Variants in ABCA9 observed in about 807,000 individuals in gnomAD.
The protein encoded by ABCA9 is ATP-binding cassette sub-family A member 9.
A neutral mutation model predicts 205.3 loss-of-function variants in ABCA9; 183 were observed. That is an observed-to-expected ratio of 0.89 (90% CI 0.79 to 1.01). The LOEUF (loss-of-function observed/expected upper bound fraction) is 1.01. Ranked by LOEUF, ABCA9 falls within the 50% of genes least tolerant of loss-of-function variation. ABCA9 has a pLI of 0.00. For synonymous variants in ABCA9, 651 were observed against 683.3 expected (o/e 0.95, Z 0.74); for missense variants, 1,805 against 1,912.4 (o/e 0.94, Z 1.05).
At position 69,018,562 on chromosome 17, in the gene ABCA9, A is replaced by G. The variant is rs1239879133; in HGVS notation, c.2618T>C (p.Ile873Thr). Reference protein sequence around the residue: ...SLWTILLLFGISFIPQLLEHL... With the variant: ...SLWTILLLFGTSFIPQLLEHL... Reference sequence around the variant, plus strand: ...TTCCAAAAGTTGAGGGATAAAGCTAATACCAAAAAGCAATAATCTATGCAG... The same window carrying G: ...TTCCAAAAGTTGAGGGATAAAGCTAGTACCAAAAAGCAATAATCTATGCAG... The change falls in exon 20 of 39, where the codon ATT becomes ACT. Residue 873 changes from isoleucine (I) to threonine (T), a missense_variant. By Grantham distance (89) the Ile-to-Thr change is moderately conservative (BLOSUM62 -1). Transcript: ENST00000340001. The G allele has an allele frequency of 6.3e-7, 1 of 1,595,038 alleles. No individual in the cohort carries two copies. Among genetic ancestry groups the G allele is most frequent in the Non-Finnish European group, 8.5e-7 (1 of 1,174,020 alleles).
At chr17:69,071,181 G>T in the ABCA9 span, among the ~76,000 whole-genome samples, 2 of 152,208 alleles carry the variant, frequency 1.3e-5, no homozygotes, top group African/African-American at 4.8e-5. Context: ...AGACTTAAAC[G>T]TTCCTGCCTG....
At chr17:68,982,457 T>C in intron 37 of ABCA9, 105 bp downstream of exon 37, 1 of 861,150 alleles carries the variant, frequency 1.2e-6, no homozygotes, top group South Asian at 1.5e-5. Context: ...GTATTAATGA[T>C]ATAACAGCAT....
intron 25 of ABCA9, among the ~76,000 whole-genome samples, chr17:69,003,076 G>T (rs567809617): frequency 0.011 from 1,719 of 150,942 alleles, 15 homozygotes; most frequent in Non-Finnish European, 0.016. Flanking sequence ...TATCCAGTTT[G>T]CCAGTCTGTG....
intron 22 of ABCA9, among the ~76,000 whole-genome samples, chr17:69,012,651 T>A (rs947029309): frequency 1.3e-5 from 2 of 152,208 alleles, no homozygotes; most frequent in Admixed American, 1.3e-4. Context: ...TGAGATGTTT[T>A]GACACAGGCA....
At chr17:69,002,091 G>T (rs1214498202) in intron 25 of ABCA9, among the ~76,000 whole-genome samples, 3 of 149,916 alleles carry the variant, frequency 2.0e-5, no homozygotes, top group Non-Finnish European at 4.4e-5. Flanking sequence ...TTAATTTTTT[G>T]AAGGGTTTTT....
In ABCA9 at chr17:69,033,867, G is replaced by A. The variant is rs1180832327; in HGVS notation, c.1135C>T (p.His379Tyr). The A allele has an allele frequency of 3.8e-6, 6 of 1,587,282 alleles. No homozygotes were observed. The highest frequency in any genetic ancestry group is 1.2e-5 in the South Asian group (1 of 86,640). ...AFTVGMAQLI[H>Y]LDYDVNSNAH... is the part of the protein sequence containing the mutation. ...TTAGAATTCACATCATAGTCCAAATGTATAAGCTGAAAAAGAAAGATACAG... is the reference window on the plus strand; with the variant it reads ...TTAGAATTCACATCATAGTCCAAATATATAAGCTGAAAAAGAAAGATACAG... Residue 379 changes from histidine (H) to tyrosine (Y), a missense_variant, in exon 9 of 39, where the codon CAT becomes TAT. His to Tyr is a moderately conservative substitution (Grantham distance 83). Coordinates refer to ENST00000340001, the MANE Select transcript of ABCA9 (RefSeq NM_080283.4).
chr17:69,044,415 G>C, intron 5 of ABCA9, 82 bp downstream of exon 5: 1 of 1,181,286 alleles, frequency 8.5e-7, no homozygotes, highest in Non-Finnish European at 1.2e-6. Flanking sequence ...GTGAATAAAT[G>C]ATAGAATAGG....
rs1333647687 is a variant in ABCA9 at position 69,035,666 on chromosome 17, C to T, written c.936G>A (p.Leu312=). ...ATGAAATTAACCAACTCACCAAAGA[C>T]AGGCCATAGAGGAGAAAGAGGGTGA... ...MVFTLFLLYG[L]SLITLAFLMS... is the part of the protein sequence containing the mutation. Residue 312 remains leucine (L), a synonymous_variant, in exon 7 of 39, where the codon CTG becomes CTA. Transcript: ENST00000340001. 6.2e-7 allele frequency: 1 copy of T among 1,613,172 alleles called. No homozygotes were observed. The highest frequency in any genetic ancestry group is 1.1e-5 in the South Asian group (1 of 90,986).
the ABCA9 span, among the ~76,000 whole-genome samples, chr17:69,069,227 T>A: frequency 2.4e-3 from 358 of 152,228 alleles, 3 homozygotes; most frequent in African/African-American, 8.2e-3. Context: ...AACAAGTGAA[T>A]ACAGAGAATC....
At chr17:69,063,750 T>A (rs1183464927), upstream of ABCA9, among the ~76,000 whole-genome samples, 4 of 152,134 alleles carry the variant, frequency 2.6e-5, no homozygotes. Flanking sequence ...TTTTTTGTAT[T>A]TTTAGTAGAG....
intron 1 of ABCA9, among the ~76,000 whole-genome samples, chr17:69,059,373 G>A (rs1416713562): frequency 6.6e-6 from 1 of 152,116 alleles, no homozygotes; most frequent in African/African-American, 2.4e-5. Flanking sequence ...GTAATCACAA[G>A]GGTGCTAAAA....
At chr17:68,998,785 T>A (rs935983415) in intron 25 of ABCA9, among the ~76,000 whole-genome samples, 3 of 152,052 alleles carry the variant, frequency 2.0e-5, no homozygotes, top group Admixed American at 6.5e-5. Context: ...CATTATTAAT[T>A]CTGAAATTGT....
intron 9 of ABCA9, 53 bp downstream of exon 9, chr17:69,033,673 A>G: frequency 1.4e-6 from 2 of 1,474,522 alleles, no homozygotes; most frequent in Non-Finnish European, 1.8e-6. Context: ...GAGTTGTTTT[A>G]AAGACATGCA....
intron 10 of ABCA9, among the ~76,000 whole-genome samples, chr17:69,030,245 A>G (rs1195521652): frequency 6.6e-6 from 1 of 152,218 alleles, no homozygotes; most frequent in Non-Finnish European, 1.5e-5. Context: ...GTTCTGAAGG[A>G]TGGGAATTCC....
chr17:69,039,115 T>C (rs903264398), intron 6 of ABCA9, among the ~76,000 whole-genome samples: 1 of 152,182 alleles, frequency 6.6e-6, no homozygotes, highest in African/African-American at 2.4e-5. Context: ...GAAGAATCAA[T>C]ATTGTGAAAA....
intron 6 of ABCA9, among the ~76,000 whole-genome samples, chr17:69,038,335 G>A (rs548879075): frequency 6.6e-5 from 10 of 152,036 alleles, no homozygotes; most frequent in South Asian, 2.1e-4. Context: ...ACTGGCAAAC[G>A]GAATCCAGCA....
chr17:69,036,750 G>A (rs996187563), intron 6 of ABCA9, among the ~76,000 whole-genome samples: 13 of 150,634 alleles, frequency 8.6e-5, no homozygotes, highest in Admixed American at 2.7e-4. Context: ...CCAATTTGCC[G>A]AATTGGATAA....
chr17:68,989,898 C>T lies in ABCA9; in HGVS notation c.3870G>A (p.Lys1290=). 2 of 1,611,940 alleles carry T rather than the reference C, an allele frequency of 1.2e-6. No individual in the cohort carries two copies. Among genetic ancestry groups the T allele is most frequent in the Non-Finnish European group, 8.5e-7 (1 of 1,178,972 alleles). ...AATTTTTCTTTTTGCCTGCATATTCCTTCCGTAGACAGCTGGCAATGATGA... is the reference window on the plus strand; with the variant it reads ...AATTTTTCTTTTTGCCTGCATATTCTTTCCGTAGACAGCTGGCAATGATGA... ...TPVIIASCLR[K]EYAGKKKNCF... The change falls in exon 30 of 39, where the codon AAG becomes AAA. Residue 1290 remains lysine (K), a synonymous_variant. Coordinates refer to ENST00000340001, the MANE Select transcript of ABCA9 (RefSeq NM_080283.4).
chr17:68,995,965 A>G lies in ABCA9; in HGVS notation c.3485T>C (p.Leu1162Pro). Residue 1162 changes from leucine to proline, a missense_variant, in exon 26 of 39, where the codon CTA (leucine) becomes CCA (proline). Leu to Pro is a moderately conservative substitution (Grantham distance 98, BLOSUM62 -3). Transcript: ENST00000340001. ...VATDLNEYGF[L>P]GLFFGTMLIP... ...TAACATGGTGCCAAAAAATAGCCCT[A>G]GAAATCCATATTCATTTAGATCAGT... is the stretch of plus-strand genomic sequence containing the variant. 6.2e-7 allele frequency: 1 copy of G among 1,613,834 alleles called. No individual in the cohort carries two copies. Among genetic ancestry groups the G allele is most frequent in the South Asian group, 1.1e-5 (1 of 91,080 alleles).
Sources: gnomAD v4.1 joint callset for allele counts (sites outside exome capture counted in the v4.1 genomes callset) on GRCh38, gnomAD v4.1.1 for gene constraint, MANE v1.5 for transcripts, NCBI Gene and HGNC (gene_info 2026-07-23, HGNC 2026-07-21) for gene names.